The following PEPD variants were observed in gnomAD, a reference collection of about 807,000 sequenced individuals.
PEPD encodes the protein peptidase D, also known as xaa-Pro dipeptidase.
A neutral mutation model predicts 60.7 loss-of-function variants in PEPD; 53 were observed. The observed-to-expected ratio is 0.87, with a 90% CI of 0.70 to 1.10. The LOEUF is 1.10. Among genes scored for constraint, PEPD ranks in the 50% least tolerant of loss-of-function variants. The pLI is 0.00. For missense variants in PEPD, 711 were observed against 711.9 expected (o/e 1.00, Z 0.01); for synonymous variants, 267 against 284.1 (o/e 0.94, Z 0.60).
intron 9 of PEPD, among the ~76,000 whole-genome samples, chr19:33,441,628 G>A (rs1030375240): frequency 6.6e-6 from 1 of 152,158 alleles, no homozygotes; most frequent in African/African-American, 2.4e-5. Flanking sequence ...CCTGCTGTAT[G>A]CCTGACTCTG....
chr19:33,409,204 C>T (rs1470807833), intron 11 of PEPD, among the ~76,000 whole-genome samples: 1 of 152,222 alleles, frequency 6.6e-6, no homozygotes, highest in East Asian at 1.9e-4. Flanking sequence ...GCTGAGCCCA[C>T]AGAGGAGAAA....
chr19:33,401,629 C>T, intron 12 of PEPD, 92 bp downstream of exon 12: 1 of 1,211,272 alleles, frequency 8.3e-7, no homozygotes. Flanking sequence ...TCAAGTCACA[C>T]AATGCAGACC....
chr19:33,456,091 T>A (rs1969793518), intron 9 of PEPD, among the ~76,000 whole-genome samples: 1 of 152,088 alleles, frequency 6.6e-6, no homozygotes, highest in African/African-American at 2.4e-5. Flanking sequence ...CCTCAGTTAC[T>A]CCTAGAGGCA....
chr19:33,477,659 A>G (rs1970243297), intron 7 of PEPD, among the ~76,000 whole-genome samples: 1 of 152,248 alleles, frequency 6.6e-6, no homozygotes, highest in Admixed American at 6.5e-5. Flanking sequence ...TGCGTAGAAC[A>G]GAATGCCACC....
At chr19:33,427,277 T>C (rs888249282) in intron 9 of PEPD, among the ~76,000 whole-genome samples, 3 of 152,140 alleles carry the variant, frequency 2.0e-5, no homozygotes, top group Non-Finnish European at 2.9e-5. Flanking sequence ...ATCTCTAGCA[T>C]GTTCTGCACC....
chr19:33,471,461 C>A (rs1970118627), intron 7 of PEPD, among the ~76,000 whole-genome samples: 2 of 152,176 alleles, frequency 1.3e-5, no homozygotes, highest in African/African-American at 4.8e-5. Context: ...ATATGATGAG[C>A]CCATTTCCAG....
chr19:33,434,002 A>G (rs913316658), intron 9 of PEPD, among the ~76,000 whole-genome samples: 2 of 149,562 alleles, frequency 1.3e-5, no homozygotes, highest in Non-Finnish European at 3.0e-5. Context: ...TGAAGACCCC[A>G]GGACATTTCT....
intron 9 of PEPD, among the ~76,000 whole-genome samples, chr19:33,426,996 C>T (rs556587417): frequency 3.9e-5 from 6 of 152,346 alleles, no homozygotes; most frequent in Middle Eastern, 3.4e-3. Context: ...GGCAGCGAAC[C>T]GGCTGTTAGG....
intron 7 of PEPD, among the ~76,000 whole-genome samples, chr19:33,471,637 A>C (rs1272406649): frequency 6.6e-6 from 1 of 152,222 alleles, no homozygotes; most frequent in Non-Finnish European, 1.5e-5. Context: ...TGACAGCCCC[A>C]TGAGAGGACA....
chr19:33,473,098 C>T (rs59157254), intron 7 of PEPD, among the ~76,000 whole-genome samples: 2,685 of 152,266 alleles, frequency 0.018, 76 homozygotes, highest in African/African-American at 0.062. Context: ...TCCACCTCCA[C>T]GCTGGACCAG....
intron 9 of PEPD, among the ~76,000 whole-genome samples, chr19:33,443,439 AATT>A (rs979235411): frequency 1.3e-5 from 2 of 152,192 alleles, no homozygotes; most frequent in Admixed American, 6.5e-5. Context: ...GAAAACCAAA[AATT>A]ATTATTCATT....
chr19:33,443,918 G>A (rs1022980403), intron 9 of PEPD, among the ~76,000 whole-genome samples: 8 of 150,986 alleles, frequency 5.3e-5, no homozygotes, highest in South Asian at 2.1e-4. Flanking sequence ...GGTGAGAAGA[G>A]TGTGTAATGG....
intron 6 of PEPD, among the ~76,000 whole-genome samples, chr19:33,489,741 G>A (rs1288397315): frequency 6.6e-6 from 1 of 152,082 alleles, no homozygotes; most frequent in Non-Finnish European, 1.5e-5. Flanking sequence ...CCCTGCCCTT[G>A]CCCCTGCCCC....
At chr19:33,414,575 C>A (rs182553115) in intron 9 of PEPD, among the ~76,000 whole-genome samples, 2,295 of 152,040 alleles carry the variant, frequency 0.015, 17 homozygotes, top group Middle Eastern at 0.031. Flanking sequence ...TGAGACAGGC[C>A]CAGGTGGCCC....
At chr19:33,438,206 C>T (rs191501906) in intron 9 of PEPD, among the ~76,000 whole-genome samples, 115 of 152,302 alleles carry the variant, frequency 7.6e-4, no homozygotes, top group Non-Finnish European at 1.2e-3. Flanking sequence ...CAGCTGGGCA[C>T]AGAGAGAAGA....
chr19:33,520,763 C>G (rs1190033153), intron 1 of PEPD, among the ~76,000 whole-genome samples: 3 of 152,156 alleles, frequency 2.0e-5, no homozygotes, highest in Non-Finnish European at 4.4e-5. Flanking sequence ...ATCTGGAATA[C>G]TGCTCCCTCC....
intron 9 of PEPD, among the ~76,000 whole-genome samples, chr19:33,447,185 T>C (rs1969609678): frequency 6.6e-6 from 1 of 152,174 alleles, no homozygotes; most frequent in Admixed American, 6.5e-5. Flanking sequence ...CACTCACCAA[T>C]GAGGGGACCC....
intron 3 of PEPD, among the ~76,000 whole-genome samples, chr19:33,504,551 G>A (rs1030386274): frequency 2.0e-5 from 3 of 152,200 alleles, no homozygotes; most frequent in South Asian, 2.1e-4. Context: ...ATCACCTGAG[G>A]TCAGGAGTTC....
chr19:33,500,586 G>A (rs535175378), intron 4 of PEPD, among the ~76,000 whole-genome samples: 73 of 152,314 alleles, frequency 4.8e-4, no homozygotes, highest in African/African-American at 1.5e-3. Context: ...CGAGACACAC[G>A]AAGACCCCGG....
Sources: allele counts gnomAD v4.1 joint callset (sites outside exome capture counted in the v4.1 genomes callset), GRCh38; gene constraint gnomAD v4.1.1; transcripts MANE v1.5; gene names NCBI Gene and HGNC (gene_info 2026-07-23, HGNC 2026-07-21).